Variants in ADAM10 observed in about 807,000 individuals in gnomAD.
ADAM10 encodes ADAM metallopeptidase domain 10.
ADAM10 carries 17 observed loss-of-function variants against 90.1 expected under a neutral mutation model. The observed-to-expected ratio is 0.19, with a 90% CI of 0.13 to 0.28. The LOEUF (loss-of-function observed/expected upper bound fraction) is 0.28, where lower values mean the gene tolerates loss of function less well. Among genes scored for constraint, ADAM10 ranks in the 10% least tolerant of loss-of-function variants. ADAM10 has a pLI of 1.00. For missense variants in ADAM10, 610 were observed against 914.3 expected, an observed-to-expected ratio of 0.67 and a Z score of 4.29; for synonymous variants, 310 against 298.6, an observed-to-expected ratio of 1.04 and a Z score of -0.40.
intron 10 of ADAM10, 139 bp downstream of exon 10, chr15:58,627,558 TAAC>T: frequency 1.4e-6 from 1 of 707,808 alleles, no homozygotes; most frequent in Non-Finnish European, 2.3e-6. Flanking sequence ...GATTAAGAAA[TAAC>T]GAGATAAAGG....
At position 58,596,607 on chromosome 15, in the gene ADAM10, C is replaced by T. The variant is rs1894958693; in HGVS notation, c.*940G>A. On this transcript the variant is annotated 3_prime_UTR_variant, in exon 16 of 16. Transcript: ENST00000260408. ...TATATGAAAAACACAAATAAGTAGG[C>T]TACAAATAAAAAGAATCATTTCATT... 6.6e-6 allele frequency: 1 copy of T among 152,450 alleles called. No individual in the cohort carries two copies. The highest frequency in any genetic ancestry group is 1.5e-5 in the Non-Finnish European group (1 of 67,984). The allele number at this position is 152,450 out of a possible 1,614,324, so 9.4% of individuals were successfully genotyped here.
intron 2 of ADAM10, among the ~76,000 whole-genome samples, chr15:58,684,235 T>C (rs555979466): frequency 1.7e-3 from 260 of 152,300 alleles, no homozygotes; most frequent in African/African-American, 5.9e-3. Context: ...GAGGGCCAAA[T>C]CTATTTGACC....
chr15:58,599,539 T>C (rs1895053053), intron 15 of ADAM10, 59 bp downstream of exon 15: 1 of 1,572,872 alleles, frequency 6.4e-7, no homozygotes, highest in Admixed American at 1.7e-5. Context: ...TATAATTCAA[T>C]TCTACCTGCT....
chr15:58,718,251 A>G (rs2140817041), intron 1 of ADAM10, among the ~76,000 whole-genome samples: 1 of 152,294 alleles, frequency 6.6e-6, no homozygotes, highest in Admixed American at 6.5e-5. Flanking sequence ...TATTAAGATG[A>G]TCATATTTTT....
intron 2 of ADAM10, chr15:58,692,631 T>C: frequency 1.8e-6 from 1 of 559,388 alleles, no homozygotes; most frequent in Non-Finnish European, 3.6e-6. Context: ...CTAAGTACTC[T>C]GTCTGATCTT....
intron 14 of ADAM10, among the ~76,000 whole-genome samples, chr15:58,602,368 T>G (rs578028966): frequency 6.6e-6 from 1 of 152,094 alleles, no homozygotes; most frequent in Non-Finnish European, 1.5e-5. Flanking sequence ...TGACATCCCA[T>G]GCCAGTCACT....
chr15:58,653,102 C>G (rs2140708030), intron 5 of ADAM10, among the ~76,000 whole-genome samples: 1 of 152,186 alleles, frequency 6.6e-6, no homozygotes, highest in East Asian at 1.9e-4. Flanking sequence ...TTTATCAGTT[C>G]TAATAGTTTT....
In ADAM10 at chr15:58,749,625, A is replaced by C; in HGVS notation, c.-91T>G. ...GAGAAGCTGAAGGGGCTTGGTCCGG[A>C]GCCTCCACGGGAAGCCGGGACCTCC... On this transcript the variant is annotated 5_prime_UTR_variant, in exon 1 of 16. Coordinates refer to ENST00000260408, the MANE Select transcript of ADAM10 (RefSeq NM_001110.4). 2 of 1,538,450 alleles carry C rather than the reference A, an allele frequency of 1.3e-6. No individual in the cohort carries two copies. Among genetic ancestry groups the C allele is most frequent in the Non-Finnish European group, 1.8e-6 (2 of 1,139,418 alleles).
At chr15:58,713,958 G>A (rs929544634) in intron 2 of ADAM10, among the ~76,000 whole-genome samples, 13 of 151,532 alleles carry the variant, frequency 8.6e-5, no homozygotes, top group African/African-American at 3.2e-4. Context: ...GACTACAGGC[G>A]CATGCCCAGC....
chr15:58,611,314 A>C, intron 12 of ADAM10: 1 of 551,084 alleles, frequency 1.8e-6, no homozygotes, highest in Admixed American at 3.3e-5. Flanking sequence ...AAAGATAGTA[A>C]ATCTTTTAAA....
At chr15:58,601,095 C>A (rs8027433) in intron 14 of ADAM10, among the ~76,000 whole-genome samples, 5,545 of 152,206 alleles carry the variant, frequency 0.036, 120 homozygotes, top group African/African-American at 0.066. Context: ...ACTTTCTAAA[C>A]ATTTGTTTTA....
chr15:58,735,699 G>A (rs1394395528), intron 1 of ADAM10, among the ~76,000 whole-genome samples: 2 of 152,092 alleles, frequency 1.3e-5, no homozygotes, highest in African/African-American at 4.8e-5. Context: ...TTCGTGGTTG[G>A]TTTAATCCAT....
At chr15:58,674,037 C>T (rs7183336) in intron 4 of ADAM10, among the ~76,000 whole-genome samples, 64,981 of 151,884 alleles carry the variant, frequency 0.43, 17,146 homozygotes, top group East Asian at 0.84. Flanking sequence ...CCAGCCACTG[C>T]CTCTTTTTTT....
intron 3 of ADAM10, among the ~76,000 whole-genome samples, chr15:58,681,363 G>A (rs1897435919): frequency 1.3e-5 from 2 of 152,142 alleles, no homozygotes. Context: ...AAATGAGAAA[G>A]TTTAAGTATA....
chr15:58,666,624 C>G (rs1897088034), intron 4 of ADAM10, among the ~76,000 whole-genome samples: 1 of 151,846 alleles, frequency 6.6e-6, no homozygotes, highest in South Asian at 2.1e-4. Flanking sequence ...AATCTTTCGT[C>G]AAAACCCTAA....
chr15:58,621,106 T>A (rs1404467661), intron 11 of ADAM10, among the ~76,000 whole-genome samples: 1 of 149,272 alleles, frequency 6.7e-6, no homozygotes, highest in Admixed American at 6.6e-5. Context: ...TAAAAAAAAA[T>A]ACAAAAATTA....
intron 2 of ADAM10, among the ~76,000 whole-genome samples, chr15:58,715,814 A>G (rs1461057850): frequency 6.6e-6 from 1 of 152,220 alleles, no homozygotes; most frequent in East Asian, 1.9e-4. Context: ...TATGAATTAC[A>G]TGACACAGCT....
intron 2 of ADAM10, among the ~76,000 whole-genome samples, chr15:58,717,253 G>A (rs1898690448): frequency 6.6e-6 from 1 of 152,130 alleles, no homozygotes; most frequent in Non-Finnish European, 1.5e-5. Context: ...GGCACCAGTA[G>A]ATAGATATAT....
intron 4 of ADAM10, among the ~76,000 whole-genome samples, chr15:58,674,144 G>A (rs563540528): frequency 3.6e-4 from 54 of 151,670 alleles, no homozygotes; most frequent in Middle Eastern, 6.8e-3. Context: ...TCAACTTTTC[G>A]GCTTCTGTGC....
Sources: gnomAD v4.1 joint callset for allele counts (sites outside exome capture counted in the v4.1 genomes callset) on GRCh38, gnomAD v4.1.1 for gene constraint, MANE v1.5 for transcripts, NCBI Gene and HGNC (gene_info 2026-07-23, HGNC 2026-07-21) for gene names.